The following QTMAN variants were observed in gnomAD, a reference collection of about 807,000 sequenced individuals.
The protein encoded by QTMAN is tRNA-queuosine alpha-mannosyltransferase.
At chr2:144,250,136 GT>G in the QTMAN span, among the ~76,000 whole-genome samples, 43 of 138,860 alleles carry the variant, frequency 3.1e-4, no homozygotes, top group African/African-American at 1.2e-3. Flanking sequence ...TTTTTTTTTT[GT>G]TTGTTTTTGT....
the QTMAN span, among the ~76,000 whole-genome samples, chr2:144,070,502 G>A: frequency 6.6e-6 from 1 of 152,060 alleles, no homozygotes; most frequent in Non-Finnish European, 1.5e-5. Flanking sequence ...TTTAGATCCA[G>A]CAGTGAAATA....
At chr2:144,057,548 G>T in the QTMAN span, among the ~76,000 whole-genome samples, 1 of 152,072 alleles carries the variant, frequency 6.6e-6, no homozygotes, top group Non-Finnish European at 1.5e-5. Context: ...CCCCAGAAAT[G>T]GCAATCTGAC....
the QTMAN span, among the ~76,000 whole-genome samples, chr2:143,947,955 T>C: frequency 3.3e-5 from 5 of 151,970 alleles, no homozygotes; most frequent in Non-Finnish European, 5.9e-5. Context: ...AGACTGAGAC[T>C]GAGACTGAGA....
the QTMAN span, among the ~76,000 whole-genome samples, chr2:144,192,655 A>G: frequency 6.6e-6 from 1 of 152,218 alleles, no homozygotes; most frequent in African/African-American, 2.4e-5. Flanking sequence ...TTTACATAAG[A>G]TCTCTTTGTA....
chr2:144,049,564 T>C, the QTMAN span, among the ~76,000 whole-genome samples: 1 of 152,198 alleles, frequency 6.6e-6, no homozygotes. Context: ...CCCTAACCTT[T>C]AGTGAGCAAA....
chr2:144,180,525 A>C, the QTMAN span, among the ~76,000 whole-genome samples: 1 of 152,202 alleles, frequency 6.6e-6, no homozygotes, highest in Non-Finnish European at 1.5e-5. Flanking sequence ...CTATTTCCTC[A>C]AACAGTAAAG....
the QTMAN span, among the ~76,000 whole-genome samples, chr2:143,947,625 A>C: frequency 6.6e-6 from 1 of 152,216 alleles, no homozygotes; most frequent in African/African-American, 2.4e-5. Flanking sequence ...TCATTATACC[A>C]GTACTTCAGG....
the QTMAN span, among the ~76,000 whole-genome samples, chr2:144,238,276 G>A: frequency 2.6e-5 from 4 of 152,182 alleles, no homozygotes; most frequent in African/African-American, 9.7e-5. Flanking sequence ...ATTTTGTAGT[G>A]AAGGCATTTT....
chr2:143,957,628 A>G, the QTMAN span, among the ~76,000 whole-genome samples: 2 of 152,300 alleles, frequency 1.3e-5, no homozygotes, highest in Non-Finnish European at 1.5e-5. Flanking sequence ...AATGGACTGT[A>G]AAGTTCGTTA....
the QTMAN span, among the ~76,000 whole-genome samples, chr2:143,967,104 C>T: frequency 1.3e-5 from 2 of 152,184 alleles, no homozygotes; most frequent in Non-Finnish European, 2.9e-5. Context: ...CTTTCAGAGT[C>T]TGTTTCCCTA....
the QTMAN span, among the ~76,000 whole-genome samples, chr2:144,159,823 T>C: frequency 1.7e-4 from 26 of 152,064 alleles, no homozygotes; most frequent in African/African-American, 6.3e-4. Context: ...GAAAAAGTTG[T>C]AATAAGAAAA....
chr2:144,305,914 T>C, the QTMAN span, among the ~76,000 whole-genome samples: 5 of 152,348 alleles, frequency 3.3e-5, no homozygotes, highest in South Asian at 2.1e-4. Flanking sequence ...CCTTGCAAGC[T>C]TGTTGATCTC....
chr2:143,987,271 T>C, the QTMAN span, among the ~76,000 whole-genome samples: 1 of 152,178 alleles, frequency 6.6e-6, no homozygotes. Context: ...CACCAGACTA[T>C]TCATCTCGAT....
the QTMAN span, among the ~76,000 whole-genome samples, chr2:144,057,198 C>T: frequency 2.0e-5 from 3 of 152,184 alleles, no homozygotes; most frequent in African/African-American, 7.2e-5. Context: ...AATTAATTGG[C>T]TCCATGGCAA....
chr2:144,107,983 A>C, the QTMAN span, among the ~76,000 whole-genome samples: 1 of 152,200 alleles, frequency 6.6e-6, no homozygotes, highest in Admixed American at 6.5e-5. Flanking sequence ...CCAGCATATA[A>C]ACAGAACCAA....
At chr2:144,166,052 T>TTAAGC in the QTMAN span, among the ~76,000 whole-genome samples, 1 of 151,940 alleles carries the variant, frequency 6.6e-6, no homozygotes, top group African/African-American at 2.4e-5. Context: ...GTCCCTTAAG[T>TTAAGC]ATGTGAAATG....
At chr2:144,317,310 A>C in the QTMAN span, among the ~76,000 whole-genome samples, 1 of 151,290 alleles carries the variant, frequency 6.6e-6, no homozygotes, top group Non-Finnish European at 1.5e-5. Context: ...GACCCATTTA[A>C]ATAGTCACTG....
chr2:144,080,581 A>G, the QTMAN span, among the ~76,000 whole-genome samples: 1 of 152,206 alleles, frequency 6.6e-6, no homozygotes, highest in African/African-American at 2.4e-5. Flanking sequence ...AAATAGAACA[A>G]TCAAAGCCTC....
chr2:144,009,592 C>A, the QTMAN span, among the ~76,000 whole-genome samples: 113 of 152,028 alleles, frequency 7.4e-4, no homozygotes, highest in Non-Finnish European at 1.5e-4. Flanking sequence ...ATAAGAACTC[C>A]CCAAGTAATA....
Sources: allele counts gnomAD v4.1 joint callset (sites outside exome capture counted in the v4.1 genomes callset), GRCh38; gene constraint gnomAD v4.1.1; transcripts MANE v1.5; gene names NCBI Gene and HGNC (gene_info 2026-07-23, HGNC 2026-07-21).